CD200R1: variants seen among roughly 807,000 people sequenced by gnomAD.
CD200R1 encodes the protein cell surface glycoprotein CD200 receptor 1.
In CD200R1, 30 loss-of-function variants were observed where a neutral mutation model predicts 38.1. The ratio of observed to expected loss-of-function variants is 0.79; its 90% confidence interval spans 0.59 to 1.07. The LOEUF (loss-of-function observed/expected upper bound fraction) is 1.07, where lower values mean the gene tolerates loss of function less well. CD200R1 is among the 50% of genes least tolerant of loss of function. CD200R1 has a pLI of 0.00. For synonymous variants in CD200R1, 128 were observed against 152.1 expected, an observed-to-expected ratio of 0.84 and a Z score of 1.16; for missense variants, 372 against 415.4, an observed-to-expected ratio of 0.90 and a Z score of 0.91.
At chr3:112,970,496 T>C (rs1432096403) in intron 1 of CD200R1, among the ~76,000 whole-genome samples, 1 of 152,164 alleles carries the variant, frequency 6.6e-6, no homozygotes, top group East Asian at 1.9e-4. Flanking sequence ...AAAGGTATTT[T>C]ATAACCACAG....
chr3:112,973,676 A>AT (rs1233406666), intron 1 of CD200R1, among the ~76,000 whole-genome samples: 1 of 152,204 alleles, frequency 6.6e-6, no homozygotes, highest in Non-Finnish European at 1.5e-5. Context: ...TGGAAAGAAG[A>AT]TTTTTTGTGG....
chr3:112,953,670 T>C (rs1941021097), intron 1 of CD200R1, among the ~76,000 whole-genome samples: 1 of 152,178 alleles, frequency 6.6e-6, no homozygotes, highest in African/African-American at 2.4e-5. Context: ...AATTAAATCT[T>C]GGTAGGTTGT....
intron 2 of CD200R1, among the ~76,000 whole-genome samples, chr3:112,939,129 C>A (rs1940657263): frequency 6.6e-6 from 1 of 151,926 alleles, no homozygotes; most frequent in South Asian, 2.1e-4. Flanking sequence ...TACTTCAACA[C>A]AATAAAGGCC....
intron 1 of CD200R1, among the ~76,000 whole-genome samples, chr3:112,958,809 CA>C: frequency 6.6e-6 from 1 of 152,222 alleles, no homozygotes; most frequent in East Asian, 1.9e-4. Context: ...TCAAAATCAT[CA>C]GTAGAAAGAA....
chr3:112,960,673 G>A (rs545795449), intron 1 of CD200R1, among the ~76,000 whole-genome samples: 1 of 151,878 alleles, frequency 6.6e-6, no homozygotes, highest in Non-Finnish European at 1.5e-5. Context: ...GAAAAGCAGG[G>A]AGTAACTATA....
chr3:112,963,917 G>C (rs191128776), intron 1 of CD200R1, among the ~76,000 whole-genome samples: 1 of 152,308 alleles, frequency 6.6e-6, no homozygotes, highest in African/African-American at 2.4e-5. Context: ...TCCATATGCT[G>C]TGTGCAGCCT....
chr3:112,956,994 C>T (rs1167775839), intron 1 of CD200R1, among the ~76,000 whole-genome samples: 1 of 152,150 alleles, frequency 6.6e-6, no homozygotes, highest in African/African-American at 2.4e-5. Context: ...CACCAGCCTG[C>T]AGTCAGGGGT....
At chr3:112,929,552 C>T in intron 3 of CD200R1, 45 bp from the exon 4 acceptor site, 1 of 1,506,126 alleles carries the variant, frequency 6.6e-7, no homozygotes, top group Non-Finnish European at 9.0e-7. Flanking sequence ...TGATAAAGAA[C>T]TTCATGTGTT....
intron 2 of CD200R1, among the ~76,000 whole-genome samples, chr3:112,946,994 C>T (rs909384507): frequency 6.6e-6 from 1 of 151,822 alleles, no homozygotes; most frequent in Admixed American, 6.6e-5. Flanking sequence ...TGGGGGAACA[C>T]TTAAATGCAT....
At chr3:112,970,917 TC>T (rs1165535641) in intron 1 of CD200R1, among the ~76,000 whole-genome samples, 3 of 152,200 alleles carry the variant, frequency 2.0e-5, no homozygotes, top group Admixed American at 1.3e-4. Context: ...GATCTTCCTA[TC>T]TTTTATAGAC....
At chr3:112,969,678 T>C (rs1356014316) in intron 1 of CD200R1, among the ~76,000 whole-genome samples, 1 of 152,150 alleles carries the variant, frequency 6.6e-6, no homozygotes, top group Non-Finnish European at 1.5e-5. Context: ...GCAGGGCCTC[T>C]CTAAGGCCAA....
chr3:112,948,828 G>A (rs1279081669), intron 1 of CD200R1, among the ~76,000 whole-genome samples: 1 of 152,220 alleles, frequency 6.6e-6, no homozygotes, highest in African/African-American at 2.4e-5. Flanking sequence ...TAGGCACAGA[G>A]ATATCATAAT....
At chr3:112,939,833 C>A (rs1442502318) in intron 2 of CD200R1, among the ~76,000 whole-genome samples, 1 of 138,104 alleles carries the variant, frequency 7.2e-6, no homozygotes. Flanking sequence ...AGACCCGAAA[C>A]AGCCAAAGCC....
In CD200R1 at chr3:112,923,495, C is replaced by G. The variant is rs1280035698; in HGVS notation, c.*182G>C. On this transcript the variant is annotated 3_prime_UTR_variant, in exon 8 of 8. Coordinates refer to ENST00000308611, the MANE Select transcript of CD200R1 (RefSeq NM_138806.4). ...AGTTCTTCAGAGAACTAGCTGGTAGCAGCTAAGAATCAAAAATTCCAATTA... is the reference window on the plus strand; with the variant it reads ...AGTTCTTCAGAGAACTAGCTGGTAGGAGCTAAGAATCAAAAATTCCAATTA... 1 of 404,440 alleles carries G rather than the reference C, an allele frequency of 2.5e-6. No individual in the cohort carries two copies. Among genetic ancestry groups the G allele is most frequent in the African/African-American group, 2.1e-5 (1 of 47,458 alleles). 25.1% of individuals were successfully genotyped at this position (404,440 alleles called of 1,614,324 possible).
At chr3:112,942,334 A>G (rs1385691225) in intron 2 of CD200R1, among the ~76,000 whole-genome samples, 1 of 151,666 alleles carries the variant, frequency 6.6e-6, no homozygotes, top group Non-Finnish European at 1.5e-5. Flanking sequence ...AACTAGGACT[A>G]TTTTGTTATT....
chr3:112,935,398 C>A (rs1940552066), intron 2 of CD200R1, among the ~76,000 whole-genome samples: 1 of 151,952 alleles, frequency 6.6e-6, no homozygotes, highest in East Asian at 1.9e-4. Flanking sequence ...TATGTGACCA[C>A]AATGGAATAA....
chr3:112,936,694 A>G (rs995177167), intron 2 of CD200R1, among the ~76,000 whole-genome samples: 2 of 152,004 alleles, frequency 1.3e-5, no homozygotes, highest in Non-Finnish European at 2.9e-5. Flanking sequence ...TAGATGCTGG[A>G]CATTAGGCCT....
intron 2 of CD200R1, among the ~76,000 whole-genome samples, 155 bp from the exon 3 acceptor site, chr3:112,931,326 C>T (rs759609669): frequency 6.6e-6 from 1 of 152,076 alleles, no homozygotes; most frequent in Non-Finnish European, 1.5e-5. Context: ...AATTAGAAGT[C>T]ATGCCATCAT....
chr3:112,941,733 G>A (rs565099445), intron 2 of CD200R1, among the ~76,000 whole-genome samples: 1 of 151,488 alleles, frequency 6.6e-6, no homozygotes, highest in Admixed American at 6.6e-5. Context: ...AGGAAACTCA[G>A]AGAACGCCAA....
Sources: gnomAD v4.1 joint callset for allele counts (sites outside exome capture counted in the v4.1 genomes callset) on GRCh38, gnomAD v4.1.1 for gene constraint, MANE v1.5 for transcripts, NCBI Gene and HGNC (gene_info 2026-07-23, HGNC 2026-07-21) for gene names.